The following SERINC5 variants were observed in gnomAD, a reference collection of about 807,000 sequenced individuals.
The protein encoded by SERINC5 is serine incorporator 5.
SERINC5 carries 41 observed loss-of-function variants against 63.1 expected under a neutral mutation model. That is an observed-to-expected ratio of 0.65 (90% CI 0.51 to 0.84). The LOEUF (loss-of-function observed/expected upper bound fraction) is 0.84. SERINC5 is among the 40% of genes least tolerant of loss of function. The probability of loss-of-function intolerance (pLI) is 0.00; values close to 1 mark genes in which losing one functional copy is unlikely to be tolerated. For missense variants in SERINC5, 523 were observed against 573.0 expected (o/e 0.91, Z 0.89); for synonymous variants, 222 against 215.2 (o/e 1.03, Z -0.28).
At chr5:80,221,441 G>A (rs868133295) in intron 1 of SERINC5, among the ~76,000 whole-genome samples, 1 of 152,134 alleles carries the variant, frequency 6.6e-6, no homozygotes, top group African/African-American at 2.4e-5. Context: ...AGGGAATCAT[G>A]AGAGACTAGC....
chr5:80,137,162 A>AAC (rs1169145336), downstream of SERINC5, among the ~76,000 whole-genome samples: 3 of 107,662 alleles, frequency 2.8e-5, no homozygotes, highest in African/African-American at 3.4e-5. Flanking sequence ...AAAAAAAAAA[A>AAC]ACAAAAAAAA....
intron 1 of SERINC5, among the ~76,000 whole-genome samples, chr5:80,241,191 C>G (rs1408225997): frequency 2.0e-5 from 3 of 152,052 alleles, no homozygotes; most frequent in East Asian, 1.9e-4. Context: ...AAAGGCAAGG[C>G]TGGGCACAGT....
At chr5:80,124,850 C>T (rs1744684170) in intron 11 of SERINC5, among the ~76,000 whole-genome samples, 1 of 152,156 alleles carries the variant, frequency 6.6e-6, no homozygotes, top group Non-Finnish European at 1.5e-5. Context: ...GTGCCCAACT[C>T]CCACCCAGGG....
chr5:80,209,699 T>G (rs1338654280), intron 1 of SERINC5, among the ~76,000 whole-genome samples: 1 of 152,190 alleles, frequency 6.6e-6, no homozygotes, highest in Non-Finnish European at 1.5e-5. Context: ...GTTTTTACCA[T>G]GTGCATGCAT....
intron 1 of SERINC5, among the ~76,000 whole-genome samples, chr5:80,241,997 G>A (rs1333120177): frequency 6.6e-6 from 1 of 151,968 alleles, no homozygotes; most frequent in East Asian, 2.0e-4. Context: ...CATGTCAGGT[G>A]ATGCATATCT....
Position 80,202,942 on chromosome 5 carries a change from C to T in SERINC5, c.139G>A (p.Val47Ile), listed in dbSNP as rs555532104. Residue 47 changes from valine to isoleucine, a missense_variant, in exon 2 of 12, where the codon GTC becomes ATC. Val to Ile is a conservative substitution (Grantham distance 29, BLOSUM62 3). Coordinates refer to ENST00000507668, the MANE Select transcript of SERINC5 (RefSeq NM_001174072.3). Reference protein sequence around the residue: ...FMYALYFILVVVLCCIMMSTT... With the variant: ...FMYALYFILVIVLCCIMMSTT... ...GACATCATGATGCAGCAGAGGACGA[C>T]GACCAGAATGAAGTAGAGGGCGTAC... is the stretch of plus-strand genomic sequence containing the variant. 26 of 1,613,426 alleles carry T rather than the reference C, an allele frequency of 1.6e-5. No homozygotes were observed. Among genetic ancestry groups the T allele is most frequent in the Middle Eastern group, 3.3e-4 (2 of 6,058 alleles).
intron 1 of SERINC5, among the ~76,000 whole-genome samples, chr5:80,233,252 C>A (rs932606815): frequency 6.6e-6 from 1 of 152,052 alleles, no homozygotes; most frequent in Non-Finnish European, 1.5e-5. Context: ...ATGGAGAAAC[C>A]CTATCTCTAC....
chr5:80,220,262 C>G (rs1439004703), intron 1 of SERINC5, among the ~76,000 whole-genome samples: 1 of 151,458 alleles, frequency 6.6e-6, no homozygotes, highest in Admixed American at 6.6e-5. Context: ...AAGTAACTTG[C>G]TCATATTGGC....
At chr5:80,122,906 T>TAAAA in intron 11 of SERINC5, among the ~76,000 whole-genome samples, 2 of 152,354 alleles carry the variant, frequency 1.3e-5, no homozygotes, top group East Asian at 3.9e-4. Context: ...TTTTTCTCAG[T>TAAAA]GCCTCCAGGT....
downstream of SERINC5, among the ~76,000 whole-genome samples, chr5:80,135,398 G>A (rs1411458074): frequency 6.6e-6 from 1 of 152,164 alleles, no homozygotes; most frequent in Non-Finnish European, 1.5e-5. Context: ...AAGTAAATCA[G>A]GTCCAGCTGT....
intron 1 of SERINC5, among the ~76,000 whole-genome samples, chr5:80,226,544 T>A (rs1293818241): frequency 1.3e-5 from 2 of 152,182 alleles, no homozygotes; most frequent in East Asian, 1.9e-4. Context: ...CTAAAACAGG[T>A]GCATGCACCT....
chr5:80,245,483 C>A (rs1752129486), intron 1 of SERINC5, among the ~76,000 whole-genome samples: 1 of 152,202 alleles, frequency 6.6e-6, no homozygotes, highest in African/African-American at 2.4e-5. Context: ...TGAAGAAGCA[C>A]TGGCCCAGGC....
chr5:80,145,386 G>A (rs1234327666), intron 11 of SERINC5, among the ~76,000 whole-genome samples: 1 of 150,666 alleles, frequency 6.6e-6, no homozygotes, highest in East Asian at 2.0e-4. Context: ...CACAGAAAAG[G>A]AGAAGGATAC....
intron 7 of SERINC5, among the ~76,000 whole-genome samples, chr5:80,165,079 A>G (rs1747199838): frequency 6.6e-6 from 1 of 152,060 alleles, no homozygotes; most frequent in South Asian, 2.1e-4. Context: ...TGCCATTTAA[A>G]AAATATTGTA....
intron 1 of SERINC5, among the ~76,000 whole-genome samples, chr5:80,210,717 G>A (rs140985019): frequency 6.6e-6 from 1 of 152,280 alleles, no homozygotes; most frequent in African/African-American, 2.4e-5. Context: ...TGACTACCAG[G>A]TTCTTAAGCC....
In SERINC5 at chr5:80,147,274, C is replaced by G; in HGVS notation, c.1064G>C (p.Cys355Ser). ...TCCACCAGGACTGAAGCAAAAACAA[C>G]AGCGAGCTATCTGTGAAAGCAAAAG... ...YAAPELEIAR[C>S]CFCFSPGGED... Residue 355 changes from cysteine to serine, a missense_variant, in exon 10 of 12, where the codon TGT (cysteine) becomes TCT (serine). Coordinates refer to ENST00000507668, the MANE Select transcript of SERINC5 (RefSeq NM_001174072.3). The G allele has an allele frequency of 6.2e-7, 1 of 1,605,916 alleles. No individual in the cohort carries two copies. Among genetic ancestry groups the G allele is most frequent in the Non-Finnish European group, 8.5e-7 (1 of 1,176,682 alleles).
In SERINC5 at chr5:80,138,746, AT is replaced by A. The variant is rs747611675; in HGVS notation, c.*4916del. 4.6e-4 allele frequency: 402 copies of A among 874,604 alleles called. 1 individual carries two copies. Among genetic ancestry groups the A allele is most frequent in the Non-Finnish European group, 4.9e-4 (360 of 729,140 alleles). The allele number at this position is 874,604 out of a possible 1,614,324, so 54.2% of individuals were successfully genotyped here. A position where few individuals can be genotyped will look rare whatever the true frequency, so the allele number is the denominator to read the frequency against. Reference sequence around the variant, plus strand: ...ATCATGTTGCACACCACAGATATATATCTTTTATTTGTCAATTAAAGGATCA... The same window carrying A: ...ATCATGTTGCACACCACAGATATATACTTTTATTTGTCAATTAAAGGATCA... On this transcript the variant is annotated 3_prime_UTR_variant, in exon 12 of 12. Coordinates refer to ENST00000507668, the MANE Select transcript of SERINC5 (RefSeq NM_001174072.3).
chr5:80,181,616 T>C (rs993273020), intron 2 of SERINC5, among the ~76,000 whole-genome samples: 1 of 152,096 alleles, frequency 6.6e-6, no homozygotes, highest in Non-Finnish European at 1.5e-5. Flanking sequence ...TAGCCAACAT[T>C]TTGTTTTCAG....
intron 1 of SERINC5, among the ~76,000 whole-genome samples, chr5:80,208,446 C>A (rs1427973): frequency 0.022 from 3,375 of 151,248 alleles, 130 homozygotes; most frequent in African/African-American, 0.078. Context: ...CCTGCCCCCC[C>A]AAACGACTCA....
Sources: allele counts gnomAD v4.1 joint callset (sites outside exome capture counted in the v4.1 genomes callset), GRCh38; gene constraint gnomAD v4.1.1; transcripts MANE v1.5; gene names NCBI Gene and HGNC (gene_info 2026-07-23, HGNC 2026-07-21).